Variants in OTOGL observed in about 807,000 individuals in gnomAD.
The protein encoded by OTOGL is otogelin-like protein.
OTOGL carries 285 observed loss-of-function variants against 318.5 expected under a neutral mutation model. That is an observed-to-expected ratio of 0.89 (90% CI 0.81 to 0.99). OTOGL has a LOEUF of 0.99. Ranked by LOEUF, OTOGL falls within the 50% of genes least tolerant of loss-of-function variation. OTOGL has a pLI of 0.00. For synonymous variants in OTOGL, 987 were observed against 936.5 expected, an observed-to-expected ratio of 1.05 and a Z score of -0.99; for missense variants, 2,899 against 2,845.6, an observed-to-expected ratio of 1.02 and a Z score of -0.43.
At chr12:80,160,668 C>T (rs567946446) in intron 1 of OTOGL, among the ~76,000 whole-genome samples, 5 of 152,150 alleles carry the variant, frequency 3.3e-5, no homozygotes, top group South Asian at 2.1e-4. Flanking sequence ...TATGAAAAAC[C>T]GTGTGGAGAT....
chr12:80,295,188 A>G lies in OTOGL; in HGVS notation c.2929-1639A>G, dbSNP rs946377743. On this transcript the variant is annotated intron_variant, in intron 26 of 58. Transcript: ENST00000547103. ...TTTTTTTTTTTTTTTTTTTTTTTTAAGACAGAGTCTCAATCTGTCACCCAG... is the reference window on the plus strand; with the variant it reads ...TTTTTTTTTTTTTTTTTTTTTTTTAGGACAGAGTCTCAATCTGTCACCCAG... Among the ~76,000 whole-genome samples the G allele has an allele frequency of 7.0e-5, 5 of 71,332 alleles. No individual in the cohort carries two copies. The Admixed American group carries it at 7.1e-4, about 10-fold the overall frequency. 46.8% of individuals were successfully genotyped at this position (71,332 alleles called of 152,430 possible).
At chr12:80,272,195 A>G (rs1883461787) in intron 24 of OTOGL, among the ~76,000 whole-genome samples, 1 of 152,138 alleles carries the variant, frequency 6.6e-6, no homozygotes, top group African/African-American at 2.4e-5. Context: ...TTTATCTTAA[A>G]GAAAATAGTG....
At chr12:80,118,539 G>A (rs1312298798) in intron 1 of OTOGL, among the ~76,000 whole-genome samples, 1 of 152,238 alleles carries the variant, frequency 6.6e-6, no homozygotes, top group East Asian at 1.9e-4. Context: ...CTTACAAAAT[G>A]TAGTAAACAA....
intron 1 of OTOGL, among the ~76,000 whole-genome samples, chr12:80,202,076 C>T (rs1876495968): frequency 6.6e-6 from 1 of 152,090 alleles, no homozygotes; most frequent in Non-Finnish European, 1.5e-5. Context: ...TTCCCTGACT[C>T]CCACCAATAG....
rs1879285375 is a variant in OTOGL at position 80,230,718 on chromosome 12, T to G, written c.611+1340T>G. Reference sequence around the variant, plus strand: ...GGCTTGGGGCCTAACTCATAGCAAATGCTACAGAAATATTTGCCATAATAA... The same window carrying G: ...GGCTTGGGGCCTAACTCATAGCAAAGGCTACAGAAATATTTGCCATAATAA... On this transcript the variant is annotated intron_variant, in intron 8 of 58. Transcript: ENST00000547103. Among the ~76,000 whole-genome samples, 3 of 152,176 alleles carry G rather than the reference T, an allele frequency of 2.0e-5. No individual in the cohort carries two copies. In the South Asian group the frequency reaches 6.2e-4, roughly 32 times the overall value.
chr12:80,296,166 A>G (rs1192951400), intron 26 of OTOGL, among the ~76,000 whole-genome samples: 1 of 152,236 alleles, frequency 6.6e-6, no homozygotes, highest in Non-Finnish European at 1.5e-5. Flanking sequence ...AAGTGGCATC[A>G]AGACAAACAA....
At chr12:80,117,489 C>G (rs118063643) in intron 1 of OTOGL, among the ~76,000 whole-genome samples, 1 of 152,168 alleles carries the variant, frequency 6.6e-6, no homozygotes, top group East Asian at 1.9e-4. Context: ...TAACTCATTT[C>G]TTTCCCATTA....
Position 80,372,033 on chromosome 12 carries a change from G to T in OTOGL, c.6750G>T (p.Val2250=). Residue 2250 remains valine (V), a synonymous_variant, in exon 57 of 59, where the codon GTG becomes GTT. Coordinates refer to ENST00000547103, the MANE Select transcript of OTOGL (RefSeq NM_001378609.3). ...TCTCTTTCTAGAATGAAGGGATTGT[G>T]AAGCTTTATAATGAAGGCTGTTGCA... ...ETECKMNEGI[V]KLYNEGCCKI... is the part of the protein sequence containing the mutation. 3 of 1,555,024 alleles carry T rather than the reference G, an allele frequency of 1.9e-6. No individual in the cohort carries two copies. The highest frequency in any genetic ancestry group is 1.2e-5 in the South Asian group (1 of 82,422).
chr12:80,147,409 G>C (rs1460395393), intron 1 of OTOGL, among the ~76,000 whole-genome samples: 3 of 150,554 alleles, frequency 2.0e-5, no homozygotes, highest in African/African-American at 7.4e-5. Context: ...ATTGCACTGT[G>C]GTCTGAGAGA....
intron 27 of OTOGL, among the ~76,000 whole-genome samples, chr12:80,297,311 G>C (rs1283606377): frequency 2.7e-5 from 4 of 149,254 alleles, no homozygotes; most frequent in African/African-American, 1.0e-4. Flanking sequence ...TGCAGCATAG[G>C]TAGTTTTATT....
At chr12:80,289,038 A>G (rs1884842836) in intron 26 of OTOGL, among the ~76,000 whole-genome samples, 1 of 152,060 alleles carries the variant, frequency 6.6e-6, no homozygotes, top group Non-Finnish European at 1.5e-5. Flanking sequence ...TCGTGGATTT[A>G]TCTACCTTTG....
At chr12:80,341,830 C>A in intron 43 of OTOGL, 118 bp from the exon 44 acceptor site, 1 of 708,882 alleles carries the variant, frequency 1.4e-6, no homozygotes, top group East Asian at 2.8e-5. Flanking sequence ...GATACATAAA[C>A]TTGGTACCTT....
chr12:80,277,980 C>T (rs534149624), intron 24 of OTOGL, among the ~76,000 whole-genome samples, 188 bp from the exon 25 acceptor site: 10 of 151,332 alleles, frequency 6.6e-5, no homozygotes, highest in Middle Eastern at 3.4e-3. Flanking sequence ...TTTAGTACTG[C>T]GATATGTAAG....
At chr12:80,295,001 T>A (rs1162356355) in intron 26 of OTOGL, among the ~76,000 whole-genome samples, 1 of 151,886 alleles carries the variant, frequency 6.6e-6, no homozygotes, top group Non-Finnish European at 1.5e-5. Flanking sequence ...GAGGCCAAGG[T>A]GGAAGAACTG....
At position 80,323,798 on chromosome 12, in the gene OTOGL, C is replaced by T; in HGVS notation, c.4157C>T (p.Thr1386Ile). 3 of 1,613,732 alleles carry T rather than the reference C, an allele frequency of 1.9e-6. No individual in the cohort carries two copies. Among genetic ancestry groups the T allele is most frequent in the Non-Finnish European group, 2.5e-6 (3 of 1,179,654 alleles). ...CCTTGTGCTACACCCTGTTTTAAAACATGTAGTGACCCTGAAGCACTAGCA... is the reference window on the plus strand; with the variant it reads ...CCTTGTGCTACACCCTGTTTTAAAATATGTAGTGACCCTGAAGCACTAGCA... ...YEPCATPCFKTCSDPEALACK... is the reference protein window; with the variant it reads ...YEPCATPCFKICSDPEALACK... The change falls in exon 35 of 59, where the codon ACA becomes ATA. Residue 1386 changes from threonine to isoleucine, a missense_variant. This residue lies in a region of OTOGL where 2,607 missense variants were observed against 2,524.9 expected (regional missense o/e 1.03). Transcript: ENST00000547103.
chr12:80,290,721 T>A (rs752970386), intron 26 of OTOGL, among the ~76,000 whole-genome samples: 3 of 152,230 alleles, frequency 2.0e-5, no homozygotes, highest in Non-Finnish European at 4.4e-5. Flanking sequence ...ATCTTGTTCA[T>A]GTTTCAGCAT....
Position 80,211,961 on chromosome 12 carries a change from T to A in OTOGL, c.132T>A (p.Asn44Lys). The change falls in exon 4 of 59, where the codon AAT becomes AAA. Residue 44 changes from asparagine (N) to lysine (K), a missense_variant. By Grantham distance (94) the Asn-to-Lys change is moderately conservative (BLOSUM62 0). Transcript: ENST00000547103. ...TGTTTTCTTCCAGAAACGGGTTTAATGAAAATCGACAGAAAAGAGCTCTTT... is the reference window on the plus strand; with the variant it reads ...TGTTTTCTTCCAGAAACGGGTTTAAAGAAAATCGACAGAAAAGAGCTCTTT... ...ILMGTSKNGF[N>K]ENRQKRALLA... is the part of the protein sequence containing the mutation. 6.4e-7 allele frequency: 1 copy of A among 1,574,250 alleles called. No individual in the cohort carries two copies. The highest frequency in any genetic ancestry group is 1.2e-5 in the South Asian group (1 of 86,924).
At chr12:80,240,088 A>T (rs979496220) in intron 11 of OTOGL, among the ~76,000 whole-genome samples, 30 of 152,224 alleles carry the variant, frequency 2.0e-4, no homozygotes, top group African/African-American at 6.7e-4. Context: ...ATAATATTCC[A>T]TTGTGTATAT....
intron 7 of OTOGL, among the ~76,000 whole-genome samples, chr12:80,224,841 G>C (rs186281341): frequency 2.6e-5 from 4 of 151,874 alleles, no homozygotes. Context: ...AGCACAACTG[G>C]GTGACTATAG....
Sources: allele counts gnomAD v4.1 joint callset (sites outside exome capture counted in the v4.1 genomes callset), GRCh38; gene constraint gnomAD v4.1.1; regional missense constraint gnomAD v4.1.1; transcripts MANE v1.5; gene names NCBI Gene and HGNC (gene_info 2026-07-23, HGNC 2026-07-21).